The following DDR2 variants were observed in gnomAD, a reference collection of about 807,000 sequenced individuals.
DDR2 encodes the protein discoidin domain-containing receptor 2.
A neutral mutation model predicts 94.9 loss-of-function variants in DDR2; 27 were observed. That is an observed-to-expected ratio of 0.28 (90% CI 0.21 to 0.39). DDR2 has a LOEUF of 0.39. DDR2 is among the 10% of genes least tolerant of loss of function. The pLI, the probability that DDR2 is intolerant of heterozygous loss-of-function variation, is 1.00. For synonymous variants in DDR2, 382 were observed against 377.2 expected, an observed-to-expected ratio of 1.01 and a Z score of -0.15; for missense variants, 783 against 1,076.0, an observed-to-expected ratio of 0.73 and a Z score of 3.81.
chr1:162,740,142 G>A (rs924387036), intron 3 of DDR2, among the ~76,000 whole-genome samples: 10 of 152,072 alleles, frequency 6.6e-5, no homozygotes, highest in Non-Finnish European at 1.5e-4. Context: ...ATAAGATACA[G>A]TGGCTTTATT....
intron 2 of DDR2, among the ~76,000 whole-genome samples, chr1:162,676,444 G>C (rs1659130289): frequency 6.6e-6 from 1 of 152,160 alleles, no homozygotes; most frequent in South Asian, 2.1e-4. Context: ...CCTGAAGGAG[G>C]AGAAAATATG....
chr1:162,711,669 G>A (rs180885577), intron 2 of DDR2, among the ~76,000 whole-genome samples: 34 of 152,190 alleles, frequency 2.2e-4, no homozygotes, highest in African/African-American at 7.9e-4. Flanking sequence ...TTATCACTGG[G>A]GTGGAAATGA....
intron 1 of DDR2, among the ~76,000 whole-genome samples, chr1:162,637,078 A>G (rs1298310197): frequency 6.6e-6 from 1 of 152,004 alleles, no homozygotes; most frequent in Non-Finnish European, 1.5e-5. Flanking sequence ...TGCTGTATTT[A>G]TTTATTTACT....
intron 2 of DDR2, among the ~76,000 whole-genome samples, chr1:162,713,159 C>A (rs371259066): frequency 6.6e-6 from 1 of 152,144 alleles, no homozygotes; most frequent in Non-Finnish European, 1.5e-5. Flanking sequence ...TAGAAACAGG[C>A]AGTAATTCTC....
intron 3 of DDR2, among the ~76,000 whole-genome samples, chr1:162,741,234 T>C (rs1662587448): frequency 7.1e-6 from 1 of 141,760 alleles, no homozygotes; most frequent in South Asian, 2.2e-4. Context: ...TAATATAATA[T>C]AATATAATAT....
At chr1:162,656,833 G>GTTGTTT (rs1657990644) in intron 2 of DDR2, among the ~76,000 whole-genome samples, 2 of 65,682 alleles carry the variant, frequency 3.0e-5, no homozygotes, top group African/African-American at 9.8e-5. Flanking sequence ...TGCCACTGGA[G>GTTGTTT]TTTTTTTTTT....
chr1:162,656,240 C>T (rs1211124597), intron 2 of DDR2, among the ~76,000 whole-genome samples: 1 of 152,218 alleles, frequency 6.6e-6, no homozygotes, highest in East Asian at 1.9e-4. Flanking sequence ...ATGGAGGATG[C>T]TCAGCGAGAG....
chr1:162,774,348 G>T (rs925040688), intron 14 of DDR2, among the ~76,000 whole-genome samples: 8 of 152,078 alleles, frequency 5.3e-5, no homozygotes, highest in Non-Finnish European at 2.9e-5. Context: ...TCCCATTTGT[G>T]TTGTCTTGAT....
Position 162,780,171 on chromosome 1 carries a change from C to T in DDR2, c.2493C>T (p.Cys831=), listed in dbSNP as rs2102211549. The change falls in exon 18 of 18, where the codon TGC becomes TGT. Residue 831 remains cysteine (C), a synonymous_variant. Transcript: ENST00000367921. ...CTGTGTATAAGCTGATGCTCAGCTG[C>T]TGGAGAAGAGATACGAAGAACCGTC... The part of the protein sequence containing the change: ...PDSVYKLMLS[C]WRRDTKNRPS... 1 of 1,614,024 alleles carries T rather than the reference C, an allele frequency of 6.2e-7. No homozygotes were observed. Among genetic ancestry groups the T allele is most frequent in the Non-Finnish European group, 8.5e-7 (1 of 1,179,946 alleles).
intron 2 of DDR2, among the ~76,000 whole-genome samples, chr1:162,700,163 C>T (rs1276301034): frequency 6.6e-6 from 1 of 152,238 alleles, no homozygotes; most frequent in African/African-American, 2.4e-5. Context: ...CTCACCATTT[C>T]TTCTTTTCAA....
chr1:162,726,050 C>T (rs558554926), intron 3 of DDR2, among the ~76,000 whole-genome samples: 2 of 152,312 alleles, frequency 1.3e-5, no homozygotes, highest in South Asian at 4.1e-4. Context: ...GTTTTGGGTT[C>T]TCTGAACTGC....
chr1:162,709,356 T>C (rs979563544), intron 2 of DDR2, among the ~76,000 whole-genome samples: 11 of 152,112 alleles, frequency 7.2e-5, no homozygotes, highest in Non-Finnish European at 1.5e-4. Flanking sequence ...AAACAGGAAG[T>C]TGGGCTAATA....
intron 1 of DDR2, among the ~76,000 whole-genome samples, chr1:162,647,607 C>T (rs1052038872): frequency 2.0e-5 from 3 of 152,144 alleles, no homozygotes; most frequent in African/African-American, 4.8e-5. Flanking sequence ...GTGGATAATT[C>T]GTGAGTTTTC....
intron 16 of DDR2, chr1:162,777,694 T>A (rs914489347): frequency 4.6e-5 from 7 of 152,314 alleles, no homozygotes; most frequent in Admixed American, 4.6e-4. Context: ...GGGAAACCTC[T>A]CCTGTTTCAT....
chr1:162,719,951 A>G (rs1333306881), intron 3 of DDR2, among the ~76,000 whole-genome samples: 3 of 152,118 alleles, frequency 2.0e-5, no homozygotes, highest in Non-Finnish European at 4.4e-5. Flanking sequence ...TAACCTGGGT[A>G]TGTTTTCCTG....
chr1:162,782,885 G>A lies in DDR2; in HGVS notation c.*2639G>A, dbSNP rs886287251. On this transcript the variant is annotated 3_prime_UTR_variant, in exon 18 of 18. Coordinates refer to ENST00000367921, the MANE Select transcript of DDR2 (RefSeq NM_006182.4). ...ATATCTGTGTCCTTTTCTGGGATGAGGAAGGCTTCAACTTCTGGCACTGAG... is the reference window on the plus strand; with the variant it reads ...ATATCTGTGTCCTTTTCTGGGATGAAGAAGGCTTCAACTTCTGGCACTGAG... 4 of 152,094 alleles carry A rather than the reference G, an allele frequency of 2.6e-5. No individual in the cohort carries two copies. The highest frequency in any genetic ancestry group is 5.9e-5 in the Non-Finnish European group (4 of 68,020). The allele number at this position is 152,094 out of a possible 1,614,324, so 9.4% of individuals were successfully genotyped here.
At chr1:162,766,824 G>A (rs914657849) in intron 10 of DDR2, among the ~76,000 whole-genome samples, 2 of 152,014 alleles carry the variant, frequency 1.3e-5, no homozygotes, top group Non-Finnish European at 2.9e-5. Flanking sequence ...ATGAGGTCAG[G>A]AGTTCGAGAC....
chr1:162,724,781 C>T (rs73024594), intron 3 of DDR2, among the ~76,000 whole-genome samples: 53 of 151,248 alleles, frequency 3.5e-4, no homozygotes, highest in Middle Eastern at 3.4e-3. Context: ...GTGGGTGGCG[C>T]GGGGGTGTAG....
chr1:162,652,432 G>A (rs1186658406), intron 1 of DDR2, among the ~76,000 whole-genome samples: 2 of 152,148 alleles, frequency 1.3e-5, no homozygotes, highest in East Asian at 3.9e-4. Flanking sequence ...ACAGACGACA[G>A]ACACTCCAGG....
Sources: allele counts gnomAD v4.1 joint callset (sites outside exome capture counted in the v4.1 genomes callset), GRCh38; gene constraint gnomAD v4.1.1; transcripts MANE v1.5; gene names NCBI Gene and HGNC (gene_info 2026-07-23, HGNC 2026-07-21).